GTPBP6: variants seen among roughly 807,000 people sequenced by gnomAD.
The protein encoded by GTPBP6 is putative GTP-binding protein 6.
In GTPBP6, 33 loss-of-function variants were observed where a neutral mutation model predicts 28.9. The ratio of observed to expected loss-of-function variants is 1.14; its 90% confidence interval spans 0.87 to 1.53. The LOEUF is 1.53. Ranked by LOEUF, GTPBP6 falls within the 40% of genes most tolerant of loss-of-function variation. GTPBP6 has a pLI of 0.00. For synonymous variants in GTPBP6, 231 were observed against 192.7 expected, an observed-to-expected ratio of 1.20 and a Z score of -1.65; for missense variants, 507 against 408.3, an observed-to-expected ratio of 1.24 and a Z score of -2.08.
At chrX:310,860 G>A (rs1424539231) in intron 7 of GTPBP6, among the ~76,000 whole-genome samples, 1 of 152,068 alleles carries the variant, frequency 6.6e-6, no homozygotes. Context: ...GTGTTTCCAG[G>A]GTCTCGGTGT....
At position 307,891 on chromosome X, in the gene GTPBP6, G is replaced by C. The variant is rs1271951052; in HGVS notation, c.1126-11C>G. ...GTGCAAGATGAGATCCTGTGGGCCG[G>C]GCCGTGGGGTCAGAGCTGCGGAGCC... On this transcript the variant is annotated splice_polypyrimidine_tract_variant and intron_variant, in intron 7 of 9. Transcript: ENST00000326153. The C allele has an allele frequency of 3.3e-6, 5 of 1,508,826 alleles. No individual in the cohort carries two copies. The Admixed American group carries it at 1.2e-4, about 35-fold the overall frequency. 93.5% of individuals were successfully genotyped at this position (1,508,826 alleles called of 1,614,324 possible).
At chrX:307,534 A>G in intron 8 of GTPBP6, 22 bp from the exon 9 acceptor site, 1 of 1,608,930 alleles carries the variant, frequency 6.2e-7, no homozygotes, top group Non-Finnish European at 8.5e-7. Flanking sequence ...GGGATGTCAC[A>G]GGCCCCGCTC....
At chrX:312,080 C>T (rs866659546) in intron 6 of GTPBP6, 46 of 442,592 alleles carry the variant, frequency 1.0e-4, no homozygotes, top group Non-Finnish European at 1.6e-4. Flanking sequence ...AGAGGAGAGG[C>T]GATGGTGTAG....
intron 7 of GTPBP6, among the ~76,000 whole-genome samples, chrX:309,627 C>A (rs1048909647): frequency 1.3e-5 from 2 of 151,942 alleles, no homozygotes; most frequent in Non-Finnish European, 2.9e-5. Context: ...GAGAAGGCCA[C>A]GTGGAGATGG....
At chrX:308,860 T>A (rs954571932) in intron 7 of GTPBP6, among the ~76,000 whole-genome samples, 2 of 148,968 alleles carry the variant, frequency 1.3e-5, no homozygotes, top group African/African-American at 5.0e-5. Flanking sequence ...CAGCCTCTCT[T>A]GAGTAGCTGG....
At chrX:314,165 A>G in exon 5 of GTPBP6, 1 of 1,612,742 alleles carries the variant, frequency 6.2e-7, no homozygotes, top group Non-Finnish European at 8.5e-7. Context: ...CCCATGATGT[A>G]GCGCGAGCCG....
At chrX:308,503 A>G (rs1207315399) in intron 7 of GTPBP6, among the ~76,000 whole-genome samples, 1 of 152,042 alleles carries the variant, frequency 6.6e-6, no homozygotes, top group Non-Finnish European at 1.5e-5. Context: ...CAAGAGAGTG[A>G]GGCCGTTTCT....
rs1437855321 is a variant in GTPBP6 at position 305,011 on chromosome X, CGGTAACGCCTCA to C, written c.*51_*62del. The C allele has an allele frequency of 4.4e-6, 7 of 1,589,868 alleles. No homozygotes were observed. The African/African-American group carries it at 9.4e-5, about 21-fold the overall frequency. On this transcript the variant is annotated 3_prime_UTR_variant, in exon 10 of 10. Transcript: ENST00000326153. ...TGACACCAAGCTGCCCCCAACACAG[CGGTAACGCCTCA>C]GCTCCCCAGGCAGCGATGCCCCCAC...
intron 7 of GTPBP6, 111 bp from the exon 8 acceptor site, chrX:307,991 A>G: frequency 1.2e-5 from 12 of 997,256 alleles, no homozygotes; most frequent in Non-Finnish European, 1.5e-5. Context: ...CAGGCTGGGC[A>G]TGGGAGGTAC....
intron 7 of GTPBP6, among the ~76,000 whole-genome samples, chrX:310,517 A>G (rs2070264149): frequency 1.5e-5 from 2 of 129,984 alleles, no homozygotes; most frequent in South Asian, 5.4e-4. Flanking sequence ...ATTTGGAAAC[A>G]GGGTCTCTGC....
chrX:315,094 G>T, intron 3 of GTPBP6, 74 bp from the exon 4 acceptor site: 1 of 398,716 alleles, frequency 2.5e-6, no homozygotes, highest in Non-Finnish European at 4.4e-6. Context: ...GAGGAAGGAG[G>T]ACGTCTCTAA....
At chrX:312,030 A>G (rs1275897116) in intron 6 of GTPBP6, 21 of 463,628 alleles carry the variant, frequency 4.5e-5, no homozygotes, top group African/African-American at 4.0e-4. Flanking sequence ...GGATATAGAT[A>G]CGGCAGTGGT....
intron 6 of GTPBP6, 96 bp from the exon 7 acceptor site, chrX:311,723 CT>C: frequency 2.0e-6 from 2 of 1,022,510 alleles, no homozygotes; most frequent in Non-Finnish European, 3.0e-6. Context: ...ACGGCACCCT[CT>C]GGGGGGCCGC....
At chrX:318,678 G>C (rs1343351523) in exon 1 of GTPBP6, 1 of 392,968 alleles carries the variant, frequency 2.5e-6, no homozygotes. Flanking sequence ...GCCGACAGCG[G>C]CTAGCGCGCG....
intron 1 of GTPBP6, among the ~76,000 whole-genome samples, chrX:317,841 A>G (rs1325114871): frequency 0.64 from 65,040 of 102,242 alleles, 18,754 homozygotes; most frequent in African/African-American, 0.82. Context: ...CACCTCCACC[A>G]ATGATATCCT....
At chrX:313,477 G>A (rs2070356727) in intron 5 of GTPBP6, among the ~76,000 whole-genome samples, 1 of 151,724 alleles carries the variant, frequency 6.6e-6, no homozygotes, top group South Asian at 2.1e-4. Context: ...GCCTCCAGAG[G>A]GAAGTGGATA....
chrX:307,207 T>C (rs1412103308), intron 9 of GTPBP6, among the ~76,000 whole-genome samples, 153 bp downstream of exon 9: 6 of 152,126 alleles, frequency 3.9e-5, no homozygotes, highest in Non-Finnish European at 5.9e-5. Flanking sequence ...CAGTCACAAA[T>C]GTACATTTGA....
At position 307,322 on chromosome X, in the gene GTPBP6, A is replaced by G. The variant is rs28495731; in HGVS notation, c.1427+38T>C. The stretch of plus-strand genomic sequence containing the variant: ...TTTCAGAGCCAGAGACAGGCATCCA[A>G]AGCACCATCCCGTCTCCTGCCCCTG... On this transcript the variant is annotated intron_variant, in intron 9 of 9. Coordinates refer to ENST00000326153, the Ensembl canonical transcript of GTPBP6. 47,215 of 1,600,132 alleles carry G rather than the reference A, an allele frequency of 0.03. 5,483 individuals carry two copies. In the African/African-American group the frequency reaches 0.36, roughly 12 times the overall value.
chrX:312,252 GAGGACGGTGCAGACAAAGGGA>G (rs1460270280), intron 6 of GTPBP6: 1 of 388,502 alleles, frequency 2.6e-6, no homozygotes, highest in African/African-American at 2.5e-5. Flanking sequence ...GTGTAGACAG[GAGGACGGTGCAGACAAAGGGA>G]ACATTGTGGT....
Sources: allele counts gnomAD v4.1 joint callset (sites outside exome capture counted in the v4.1 genomes callset), GRCh38; gene constraint gnomAD v4.1.1; transcripts MANE v1.5; gene names NCBI Gene and HGNC (gene_info 2026-07-23, HGNC 2026-07-21).